Variants in DHX9 observed in about 807,000 individuals in gnomAD.
DHX9 encodes the protein DExH-box helicase 9, also known as ATP-dependent RNA helicase A.
In DHX9, 27 loss-of-function variants were observed where a neutral mutation model predicts 148.7. The ratio of observed to expected loss-of-function variants is 0.18; its 90% confidence interval spans 0.13 to 0.25. DHX9 has a LOEUF of 0.25. Among genes scored for constraint, DHX9 ranks in the 10% least tolerant of loss-of-function variants. DHX9 has a pLI of 1.00. For missense variants in DHX9, 796 were observed against 1,559.6 expected, an observed-to-expected ratio of 0.51 and a Z score of 8.25; for synonymous variants, 529 against 516.6, an observed-to-expected ratio of 1.02 and a Z score of -0.33.
intron 20 of DHX9, among the ~76,000 whole-genome samples, chr1:182,878,747 CA>C (rs1296476715): frequency 4.6e-5 from 7 of 152,094 alleles, no homozygotes; most frequent in Admixed American, 2.0e-4. Context: ...ATATGAAATC[CA>C]AAACGCTCTA....
At chr1:182,872,297 TTAATG>T (rs1557975862) in intron 14 of DHX9, 35 bp from the exon 15 acceptor site, 16 of 1,564,086 alleles carry the variant, frequency 1.0e-5, no homozygotes, top group Non-Finnish European at 1.3e-5. Context: ...TTATATAAAC[TTAATG>T]TAATTTCAAA....
chr1:182,865,112 A>T (rs1296790433), intron 12 of DHX9, among the ~76,000 whole-genome samples: 1 of 152,230 alleles, frequency 6.6e-6, no homozygotes, highest in Admixed American at 6.5e-5. Context: ...AGACAGTAGT[A>T]GAAAAGGGGG....
chr1:182,854,696 C>G (rs1012675977), intron 6 of DHX9, among the ~76,000 whole-genome samples: 1 of 152,076 alleles, frequency 6.6e-6, no homozygotes, highest in African/African-American at 2.4e-5. Context: ...ATCGTAAGGT[C>G]GAAAAGGAAC....
At chr1:182,843,234 C>T in intron 2 of DHX9, 60 bp from the exon 3 acceptor site, 11 of 1,399,952 alleles carry the variant, frequency 7.9e-6, no homozygotes, top group Non-Finnish European at 1.0e-5. Flanking sequence ...TGAATTACGA[C>T]TTTTTAAAAT....
At chr1:182,840,675 G>C (rs934264866) in intron 1 of DHX9, among the ~76,000 whole-genome samples, 1 of 152,180 alleles carries the variant, frequency 6.6e-6, no homozygotes, top group African/African-American at 2.4e-5. Flanking sequence ...CTTCTCTAAA[G>C]GGATAGTGAT....
intron 3 of DHX9, among the ~76,000 whole-genome samples, chr1:182,845,226 T>C (rs1340973896): frequency 2.0e-5 from 3 of 152,206 alleles, no homozygotes; most frequent in Admixed American, 1.3e-4. Flanking sequence ...AAAACAGTTT[T>C]GCAAATGTCT....
At chr1:182,872,074 G>A (rs1347088633) in intron 14 of DHX9, among the ~76,000 whole-genome samples, 1 of 152,150 alleles carries the variant, frequency 6.6e-6, no homozygotes, top group Non-Finnish European at 1.5e-5. Context: ...CAAAAATACT[G>A]GGATTACAGG....
chr1:182,856,673 A>C, intron 7 of DHX9, 95 bp downstream of exon 7: 1 of 1,053,920 alleles, frequency 9.5e-7, no homozygotes, highest in East Asian at 2.4e-5. Flanking sequence ...AAGCTGTATT[A>C]TTTGAAAGAG....
Position 182,883,200 on chromosome 1 carries a change from C to T in DHX9, c.2976C>T (p.Ile992=), listed in dbSNP as rs758693922. ...TGPDNNLDVV[I]SLLAFGVYPN... is the part of the protein sequence containing the mutation. ...CAGATAATAATTTGGATGTTGTTAT[C>T]TCCCTCCTGGCCTTTGGTGTGTACC... is the stretch of plus-strand genomic sequence containing the variant. The change falls in exon 25 of 28, where the codon ATC becomes ATT. Residue 992 remains isoleucine, a synonymous_variant. Coordinates refer to ENST00000367549, the MANE Select transcript of DHX9 (RefSeq NM_001357.5). 1.2e-6 allele frequency: 2 copies of T among 1,614,152 alleles called. 1 individual carries two copies. Among genetic ancestry groups the T allele is most frequent in the Non-Finnish European group, 1.7e-6 (2 of 1,180,000 alleles).
chr1:182,848,899 C>A (rs1239405997), intron 3 of DHX9, among the ~76,000 whole-genome samples: 1 of 152,132 alleles, frequency 6.6e-6, no homozygotes, highest in African/African-American at 2.4e-5. Flanking sequence ...TTTTAAATGA[C>A]CAGATCTCAT....
In DHX9 at chr1:182,882,585, G is replaced by A. The variant is rs562049080; in HGVS notation, c.2915-554G>A. Among the ~76,000 whole-genome samples, 4 of 152,170 alleles carry A rather than the reference G, an allele frequency of 2.6e-5. No homozygotes were observed. In the East Asian group the frequency reaches 5.8e-4, roughly 22 times the overall value. ...GGGGACTTTAAAAAGTAATCACCCC[G>A]GCCGGGCGCAGTGGCTCACACCTGT... is the stretch of plus-strand genomic sequence containing the variant. On this transcript the variant is annotated intron_variant, in intron 24 of 27. Coordinates refer to ENST00000367549, the MANE Select transcript of DHX9 (RefSeq NM_001357.5).
intron 19 of DHX9, chr1:182,877,295 G>A (rs12059000): frequency 0.075 from 12,011 of 159,964 alleles, 1,237 homozygotes; most frequent in African/African-American, 0.24. Flanking sequence ...TAAGGATTAA[G>A]GGTCTTCATT....
intron 6 of DHX9, among the ~76,000 whole-genome samples, chr1:182,856,306 G>A (rs1668250146): frequency 6.6e-6 from 1 of 152,148 alleles, no homozygotes; most frequent in African/African-American, 2.4e-5. Flanking sequence ...TTCCTTTCAT[G>A]AACAATTGGC....
chr1:182,881,699 C>CATG (rs1649093165), intron 24 of DHX9, 52 bp downstream of exon 24: 2 of 1,516,052 alleles, frequency 1.3e-6, no homozygotes, highest in Admixed American at 2.3e-5. Flanking sequence ...TTATATAGTA[C>CATG]ATGCAAATTG....
intron 1 of DHX9, chr1:182,839,878 G>C (rs1021452310): frequency 6.6e-6 from 1 of 152,360 alleles, no homozygotes; most frequent in African/African-American, 2.4e-5. Context: ...GGCCTTGTGG[G>C]TAGAGGAAAA....
chr1:182,875,325 T>C (rs1280375506), intron 16 of DHX9: 3 of 399,788 alleles, frequency 7.5e-6, no homozygotes, highest in African/African-American at 4.2e-5. Flanking sequence ...TGCCCCACCC[T>C]AGATCTACTG....
At chr1:182,866,791 A>G (rs1648314313) in intron 13 of DHX9, among the ~76,000 whole-genome samples, 170 bp from the exon 14 acceptor site, 1 of 152,222 alleles carries the variant, frequency 6.6e-6, no homozygotes, top group African/African-American at 2.4e-5. Context: ...TCATAAAATC[A>G]GTGAAAAAAA....
chr1:182,879,437 C>T (rs770875303), intron 21 of DHX9, 27 bp downstream of exon 21: 241 of 1,413,480 alleles, frequency 1.7e-4, no homozygotes, highest in African/African-American at 2.7e-4. Context: ...ACCTACTTGA[C>T]GCAGATATTA....
intron 8 of DHX9, 126 bp downstream of exon 8, chr1:182,858,366 T>C: frequency 8.3e-7 from 1 of 1,198,526 alleles, no homozygotes; most frequent in Non-Finnish European, 1.2e-6. Context: ...GCCCTGCTAA[T>C]CATCTCTGTG....
Sources: gnomAD v4.1 joint callset for allele counts (sites outside exome capture counted in the v4.1 genomes callset) on GRCh38, gnomAD v4.1.1 for gene constraint, MANE v1.5 for transcripts, NCBI Gene and HGNC (gene_info 2026-07-23, HGNC 2026-07-21) for gene names.